The following TXNDC15 variants were observed in gnomAD, a reference collection of about 807,000 sequenced individuals.
TXNDC15 encodes thioredoxin domain containing 15.
Under a neutral mutation model 35.0 loss-of-function variants are expected in TXNDC15, and 24 were observed. That is an observed-to-expected ratio of 0.68 (90% CI 0.50 to 0.96). The LOEUF (loss-of-function observed/expected upper bound fraction) is 0.96. Ranked by LOEUF, TXNDC15 falls within the 40% of genes least tolerant of loss-of-function variation. TXNDC15 has a pLI of 0.00. For synonymous variants in TXNDC15, 169 were observed against 174.0 expected, an observed-to-expected ratio of 0.97 and a Z score of 0.23; for missense variants, 385 against 453.3, an observed-to-expected ratio of 0.85 and a Z score of 1.37.
At chr5:134,895,519 G>A (rs1344635391) in intron 3 of TXNDC15, among the ~76,000 whole-genome samples, 3 of 152,154 alleles carry the variant, frequency 2.0e-5, no homozygotes, top group Non-Finnish European at 4.4e-5. Context: ...TAATTATGGA[G>A]ACTAAGGCTC....
At chr5:134,898,498 A>G (rs2150191673) in intron 4 of TXNDC15, among the ~76,000 whole-genome samples, 1 of 152,352 alleles carries the variant, frequency 6.6e-6, no homozygotes, top group Admixed American at 6.5e-5. Context: ...TATAACACAC[A>G]TTGCATATAT....
At chr5:134,892,954 T>A (rs1205699000) in intron 2 of TXNDC15, 1 of 153,646 alleles carries the variant, frequency 6.5e-6, no homozygotes, top group African/African-American at 2.4e-5. Context: ...CAAAGATACT[T>A]ATCATAGATC....
At chr5:134,887,416 C>T (rs1247519783) in intron 1 of TXNDC15, among the ~76,000 whole-genome samples, 1 of 152,116 alleles carries the variant, frequency 6.6e-6, no homozygotes, top group Admixed American at 6.5e-5. Flanking sequence ...AACTCCTGAC[C>T]TCAAGTGATC....
At chr5:134,899,347 C>T (rs1750554656) in intron 4 of TXNDC15, 142 bp from the exon 5 acceptor site, 3 of 663,706 alleles carry the variant, frequency 4.5e-6, no homozygotes, top group South Asian at 2.1e-5. Flanking sequence ...AAGTGAAATC[C>T]ATCCCATATA....
rs1411899850 is a variant in TXNDC15 at position 134,877,630 on chromosome 5, G to A, written c.103+3100G>A. 3.9e-5 allele frequency among the ~76,000 whole-genome samples: 6 copies of A among 151,960 alleles called. No homozygotes were observed. In the East Asian group the frequency reaches 1.2e-3, roughly 29 times the overall value. On this transcript the variant is annotated intron_variant, in intron 1 of 4. Transcript: ENST00000358387. ...AAATTTTTTTTTTTCTTTTTGAGAA[G>A]GAGTCTTGCTCTTGTCACCCAGGCT...
intron 1 of TXNDC15, among the ~76,000 whole-genome samples, chr5:134,884,847 GATA>G (rs1750243510): frequency 6.6e-6 from 1 of 150,858 alleles, no homozygotes; most frequent in African/African-American, 2.4e-5. Context: ...TTATATGTCT[GATA>G]ATTTTTTACT....
chr5:134,899,373 G>A, intron 4 of TXNDC15, 116 bp from the exon 5 acceptor site: 1 of 789,824 alleles, frequency 1.3e-6, no homozygotes, highest in Non-Finnish European at 2.1e-6. Context: ...ATATATACTA[G>A]TGGCAATGCT....
intron 1 of TXNDC15, 120 bp downstream of exon 1, chr5:134,874,650 C>T (rs927931455): frequency 7.7e-6 from 6 of 782,522 alleles, no homozygotes; most frequent in South Asian, 4.0e-5. Context: ...GGCGTCTCCC[C>T]GGGCGCGTCT....
intron 4 of TXNDC15, among the ~76,000 whole-genome samples, chr5:134,897,742 C>G (rs1273497934): frequency 6.6e-6 from 1 of 152,194 alleles, no homozygotes; most frequent in Non-Finnish European, 1.5e-5. Flanking sequence ...AGAGCACTGG[C>G]TTATGCCTGT....
intron 1 of TXNDC15, among the ~76,000 whole-genome samples, chr5:134,880,458 A>G (rs1312976043): frequency 6.7e-6 from 1 of 148,804 alleles, no homozygotes; most frequent in Non-Finnish European, 1.5e-5. Flanking sequence ...TTTTTTTGAG[A>G]TGGAGTCTCG....
chr5:134,896,419 A>G lies in TXNDC15; in HGVS notation c.881A>G (p.Gln294Arg). The change falls in exon 4 of 5, where the codon CAG becomes CGG. Residue 294 changes from glutamine (Q) to arginine (R), a missense_variant. Transcript: ENST00000358387. ...LETLKIFIFN[Q>R]TGIEAKKNVV... is the part of the protein sequence containing the mutation. ...ACACTGAAAATCTTCATTTTTAATCAGACAGGTATGTGGAAGTAATGTGCT... is the reference window on the plus strand; with the variant it reads ...ACACTGAAAATCTTCATTTTTAATCGGACAGGTATGTGGAAGTAATGTGCT... 6.2e-7 allele frequency: 1 copy of G among 1,613,566 alleles called. No homozygotes were observed. The highest frequency in any genetic ancestry group is 1.6e-4 in the Middle Eastern group (1 of 6,062).
At chr5:134,887,154 A>G (rs1474787456) in intron 1 of TXNDC15, among the ~76,000 whole-genome samples, 1 of 152,134 alleles carries the variant, frequency 6.6e-6, no homozygotes, top group African/African-American at 2.4e-5. Context: ...GTGTTTGTCT[A>G]TTATTTGACA....
rs1750596556 is a variant in TXNDC15, at chr5:134,901,319, A to T, written c.*1634A>T. 1 of 152,146 alleles carries T rather than the reference A, an allele frequency of 6.6e-6. No individual in the cohort carries two copies. Among genetic ancestry groups the T allele is most frequent in the Non-Finnish European group, 1.5e-5 (1 of 68,016 alleles). The allele number at this position is 152,146 out of a possible 1,614,324, so 9.4% of individuals were successfully genotyped here. ...ACAACTTTTATGTGTCATGTTTCCAACAGCTGTGTTTGGGGTGGTCACTGG... is the reference window on the plus strand; with the variant it reads ...ACAACTTTTATGTGTCATGTTTCCATCAGCTGTGTTTGGGGTGGTCACTGG... On this transcript the variant is annotated 3_prime_UTR_variant, in exon 5 of 5. Coordinates refer to ENST00000358387, the MANE Select transcript of TXNDC15 (RefSeq NM_024715.4).
chr5:134,873,877 G>C (rs866243527), upstream of TXNDC15: 1 of 152,228 alleles, frequency 6.6e-6, no homozygotes, highest in Non-Finnish European at 1.5e-5. Flanking sequence ...TATACTATAA[G>C]GGTTATAGTA....
chr5:134,897,350 C>T (rs1217691461), intron 4 of TXNDC15, among the ~76,000 whole-genome samples: 2 of 152,030 alleles, frequency 1.3e-5, no homozygotes, highest in Admixed American at 6.6e-5. Flanking sequence ...TGGGTTAAAA[C>T]GATTCTCCTG....
intron 2 of TXNDC15, among the ~76,000 whole-genome samples, chr5:134,890,575 A>G (rs1750370765): frequency 6.6e-6 from 1 of 151,736 alleles, no homozygotes; most frequent in African/African-American, 2.4e-5. Context: ...ATGCCCAGCT[A>G]ATTTTTGTAT....
At position 134,896,303 on chromosome 5, in the gene TXNDC15, C is replaced by A; in HGVS notation, c.765C>A (p.Thr255=). 6.2e-7 allele frequency: 1 copy of A among 1,610,678 alleles called. No individual in the cohort carries two copies. Among genetic ancestry groups the A allele is most frequent in the South Asian group, 1.1e-5 (1 of 89,894 alleles). Residue 255 remains threonine (T), a synonymous_variant, in exon 4 of 5, where the codon ACC becomes ACA. Transcript: ENST00000358387. ...LDASQHSSLS[T]RFGTVAVPNI... is the part of the protein sequence containing the mutation. ...CTTCTTTCTCTTGTAGCCTTTCTAC[C>A]AGGTTTGGCACCGTAGCTGTTCCTA... is the stretch of plus-strand genomic sequence containing the variant.
chr5:134,880,875 A>AT (rs1401826729), intron 1 of TXNDC15, among the ~76,000 whole-genome samples: 4 of 150,460 alleles, frequency 2.7e-5, no homozygotes, highest in Admixed American at 1.3e-4. Flanking sequence ...TGCTTTAAAG[A>AT]TTTTTTTCTT....
chr5:134,889,231 T>G (rs144073454), intron 2 of TXNDC15, among the ~76,000 whole-genome samples: 6 of 152,220 alleles, frequency 3.9e-5, no homozygotes, highest in Admixed American at 2.6e-4. Context: ...GGTGTACCCT[T>G]TTTCTTTTTT....
Sources: allele counts gnomAD v4.1 joint callset (sites outside exome capture counted in the v4.1 genomes callset), GRCh38; gene constraint gnomAD v4.1.1; transcripts MANE v1.5; gene names NCBI Gene and HGNC (gene_info 2026-07-23, HGNC 2026-07-21).